The following MMP12 variants were observed in gnomAD, a reference collection of about 807,000 sequenced individuals.
The protein encoded by MMP12 is macrophage metalloelastase.
In MMP12, 51 loss-of-function variants were observed where a neutral mutation model predicts 45.2. The ratio of observed to expected loss-of-function variants is 1.13; its 90% CI spans 0.90 to 1.42. The LOEUF (loss-of-function observed/expected upper bound fraction) is 1.42. MMP12 is among the 40% of genes most tolerant of loss of function. MMP12 has a pLI of 0.00. For missense variants in MMP12, 530 were observed against 570.8 expected (o/e 0.93, Z 0.73); for synonymous variants, 210 against 193.3 (o/e 1.09, Z -0.72).
At chr11:102,872,410 G>T (rs550188932) in intron 2 of MMP12, among the ~76,000 whole-genome samples, 1 of 151,342 alleles carries the variant, frequency 6.6e-6, no homozygotes, top group Non-Finnish European at 1.5e-5. Flanking sequence ...GCACGATCTC[G>T]GCTCACTGCA....
rs1859363649 is a variant in MMP12 at position 102,865,216 on chromosome 11, G to A, written c.1205+560C>T. On this transcript the variant is annotated intron_variant, in intron 8 of 9. Coordinates refer to ENST00000571244, the MANE Select transcript of MMP12 (RefSeq NM_002426.6). This position sits in a 1 kb window ranked among gnomAD's most constrained non-coding sequence, Gnocchi z 4.1. ...CAACCAGGCAAGCAATCTAGGAAAT[G>A]ACTGGCTTACTCAGAAGAAGGAATA... is the stretch of plus-strand genomic sequence containing the variant. Among the ~76,000 whole-genome samples, 1 of 152,208 alleles carries A rather than the reference G, an allele frequency of 6.6e-6. No individual in the cohort carries two copies. Among genetic ancestry groups the A allele is most frequent in the Non-Finnish European group, 1.5e-5 (1 of 68,032 alleles).
chr11:102,863,314 G>A, intron 9 of MMP12, 114 bp from the exon 10 acceptor site: 1 of 614,700 alleles, frequency 1.6e-6, no homozygotes, highest in Non-Finnish European at 2.7e-6. Context: ...CCTATGGGCT[G>A]TGGTTCATGC....
intron 5 of MMP12, 43 bp downstream of exon 5, chr11:102,867,865 G>T (rs1555008795): frequency 1.9e-6 from 3 of 1,553,414 alleles, no homozygotes; most frequent in Admixed American, 3.7e-5. Flanking sequence ...ATTCATAAAA[G>T]CGAGTATCTT....
intron 6 of MMP12, 25 bp from the exon 7 acceptor site, chr11:102,866,473 T>C: frequency 6.2e-7 from 1 of 1,608,034 alleles, no homozygotes. Flanking sequence ...ATTTGACACA[T>C]GTTAAAAGAC....
Position 102,863,199 on chromosome 11 carries a change from T to C in MMP12, c.1314A>G (p.Lys438=). 6.4e-7 allele frequency: 1 copy of C among 1,553,592 alleles called. No homozygotes were observed. The highest frequency in any genetic ancestry group is 8.8e-7 in the Non-Finnish European group (1 of 1,132,494). The change falls in exon 10 of 10, where the codon AAA becomes AAG. Residue 438 remains lysine (K), a splice_region_variant and synonymous_variant. Coordinates refer to ENST00000571244, the MANE Select transcript of MMP12 (RefSeq NM_002426.6). The part of the protein sequence containing the change: ...KIDAVFYSKN[K]YYYFFQGSNQ... Reference sequence around the variant, plus strand: ...TAGATCCTTGGAAGAAATAGTAGTATTCTGAAAATGAAAACAAATTAAATA... The same window carrying C: ...TAGATCCTTGGAAGAAATAGTAGTACTCTGAAAATGAAAACAAATTAAATA...
chr11:102,871,579 GT>G lies in MMP12; in HGVS notation c.625+14del, dbSNP rs782016911. 8 of 1,549,546 alleles carry G rather than the reference GT, an allele frequency of 5.2e-6. No individual in the cohort carries two copies. Among genetic ancestry groups the G allele is most frequent in the Non-Finnish European group, 6.1e-6 (7 of 1,146,324 alleles). ...TGCTTAGTTTTTTGTTTGTTTGTTT[GT>G]TTGTTTTGCCCACCTCCTGAATGTG... is the stretch of plus-strand genomic sequence containing the variant. On this transcript the variant is annotated intron_variant, in intron 4 of 9. Coordinates refer to ENST00000571244, the MANE Select transcript of MMP12 (RefSeq NM_002426.6).
In MMP12 at chr11:102,872,784, T is replaced by C. The variant is rs144865663; in HGVS notation, c.350+81A>G. On this transcript the variant is annotated intron_variant, in intron 2 of 9. Transcript: ENST00000571244. The stretch of plus-strand genomic sequence containing the variant: ...AGGTTACTTTATCTACTTCCAGATT[T>C]AGGGCTGTCTAACTGGTTCAGGTTA... 1.3e-3 allele frequency: 1,962 copies of C among 1,477,032 alleles called. 24 individuals are homozygous for C. In the African/African-American group the frequency reaches 0.024, roughly 18 times the overall value. The allele number at this position is 1,477,032 out of a possible 1,614,324, so 91.5% of individuals were successfully genotyped here.
chr11:102,872,797 C>A (rs539765498), intron 2 of MMP12, 68 bp downstream of exon 2: 51 of 1,550,366 alleles, frequency 3.3e-5, no homozygotes, highest in Non-Finnish European at 4.4e-5. Context: ...GGCTGTCTAA[C>A]TGGTTCAGGT....
rs375022681 is a variant in MMP12 at position 102,868,036 on chromosome 11, A to G, written c.659T>C (p.Ile220Thr). Residue 220 changes from isoleucine to threonine, a missense_variant, in exon 5 of 10, where the codon ATT (isoleucine) becomes ACT (threonine). Transcript: ENST00000571244. ...TNLFLTAVHE[I>T]GHSLGLGHSS... ...ATGGCCAAGACCTAAGGAATGGCCA[A>G]TCTCGTGAACAGCAGTGAGGAACAA... The G allele has an allele frequency of 1.2e-5, 20 of 1,602,640 alleles. 1 individual carries two copies. The African/African-American group carries it at 1.6e-4, about 13-fold the overall frequency.
intron 2 of MMP12, among the ~76,000 whole-genome samples, 181 bp from the exon 3 acceptor site, chr11:102,872,133 C>A (rs1555009482): frequency 6.6e-6 from 1 of 152,158 alleles, no homozygotes; most frequent in Non-Finnish European, 1.5e-5. Context: ...TCCTCCTTAA[C>A]CAAAATCTAA....
Position 102,865,460 on chromosome 11 carries a change from G to T in MMP12, c.1205+316C>A, listed in dbSNP as rs1859367592. Among the ~76,000 whole-genome samples, 1 of 152,134 alleles carries T rather than the reference G, an allele frequency of 6.6e-6. No individual in the cohort carries two copies. The highest frequency in any genetic ancestry group is 2.1e-4 in the South Asian group (1 of 4,834). ...AAATCCATAACCCTCGAAACTGACT[G>T]TAGATTAAATACTTGGTCTTGTACA... is the stretch of plus-strand genomic sequence containing the variant. On this transcript the variant is annotated intron_variant, in intron 8 of 9. Coordinates refer to ENST00000571244, the MANE Select transcript of MMP12 (RefSeq NM_002426.6). The surrounding 1 kb of genome is among the most constrained non-coding windows in gnomAD (Gnocchi z 4.1).
rs376355568 is a variant in MMP12, at chr11:102,863,141, T to C, written c.1372A>G (p.Ile458Val). ...CTATTGCTTTTCAGTGTTTTGGTGA[T>C]ACGTTGGAGTAGGAAGTCATATTCA... ...QFEYDFLLQRITKTLKSNSWF... is the reference protein window; with the variant it reads ...QFEYDFLLQRVTKTLKSNSWF... The change falls in exon 10 of 10, where the codon ATC becomes GTC. Residue 458 changes from isoleucine to valine, a missense_variant. Physicochemically the swap from Ile to Val is conservative, Grantham distance 29 (BLOSUM62 3). Coordinates refer to ENST00000571244, the MANE Select transcript of MMP12 (RefSeq NM_002426.6). The C allele has an allele frequency of 2.2e-5, 36 of 1,611,946 alleles. No individual in the cohort carries two copies. The African/African-American group carries it at 2.9e-4, about 13-fold the overall frequency.
rs1182811587 is a variant in MMP12, at chr11:102,872,923, G to A, written c.292C>T (p.His98Tyr). The A allele has an allele frequency of 6.2e-7, 1 of 1,613,742 alleles. No homozygotes were observed. The highest frequency in any genetic ancestry group is 1.3e-5 in the African/African-American group (1 of 75,022). Residue 98 changes from histidine to tyrosine, a missense_variant, in exon 2 of 10, where the codon CAT becomes TAT. Physicochemically the swap from His to Tyr is moderately conservative, Grantham distance 83. Coordinates refer to ENST00000571244, the MANE Select transcript of MMP12 (RefSeq NM_002426.6). Reference protein sequence around the residue: ...HAPRCGVPDVHHFREMPGGPV... With the variant: ...HAPRCGVPDVYHFREMPGGPV... ...CCCCCTGGCATTTCCCTGAAATGATGGACATCGGGGACTCCACATCGAGGT... is the reference window on the plus strand; with the variant it reads ...CCCCCTGGCATTTCCCTGAAATGATAGACATCGGGGACTCCACATCGAGGT...
rs143740509 is a variant in MMP12, at chr11:102,863,214, C to G, written c.1313-14G>C. ...AATAGTAGTATTCTGAAAATGAAAA[C>G]AAATTAAATAGTTTAATTCCCTCCC... is the stretch of plus-strand genomic sequence containing the variant. On this transcript the variant is annotated splice_polypyrimidine_tract_variant and intron_variant, in intron 9 of 9. Coordinates refer to ENST00000571244, the MANE Select transcript of MMP12 (RefSeq NM_002426.6). 2.5e-4 allele frequency: 356 copies of G among 1,409,340 alleles called. 1 individual carries two copies. The African/African-American group carries it at 4.5e-3, about 18-fold the overall frequency. 87.3% of individuals were successfully genotyped at this position (1,409,340 alleles called of 1,614,324 possible).
rs782035366 is a variant in MMP12 at position 102,865,864 on chromosome 11, A to G, written c.1117T>C (p.Phe373Leu). 7 of 1,613,196 alleles carry G rather than the reference A, an allele frequency of 4.3e-6. No individual in the cohort carries two copies. In the Admixed American group the frequency reaches 1.2e-4, roughly 27 times the overall value. ...TCAATTTTTTTCACAAAGTTAGGAA[A>G]ACCAAAAGAATGTATGCTCTTGGGA... Reference protein sequence around the residue: ...NYPKSIHSFGFPNFVKKIDAA... With the variant: ...NYPKSIHSFGLPNFVKKIDAA... Residue 373 changes from phenylalanine to leucine, a missense_variant, in exon 8 of 10, where the codon TTT becomes CTT. Phe to Leu is a conservative substitution (Grantham distance 22). Transcript: ENST00000571244. This position sits in a 1 kb window ranked among gnomAD's most constrained non-coding sequence, Gnocchi z 4.1.
chr11:102,865,984 A>G lies in MMP12; in HGVS notation c.1046-49T>C, dbSNP rs144276251. 8.1e-5 allele frequency: 110 copies of G among 1,366,278 alleles called. 1 individual carries two copies. In the African/African-American group the frequency reaches 1.4e-3, roughly 18 times the overall value. 84.6% of individuals were successfully genotyped at this position (1,366,278 alleles called of 1,614,324 possible). On this transcript the variant is annotated intron_variant, in intron 7 of 9. Coordinates refer to ENST00000571244, the MANE Select transcript of MMP12 (RefSeq NM_002426.6). The surrounding 1 kb of genome is among the most constrained non-coding windows in gnomAD (Gnocchi z 4.1). ...AAATTTGAATTATACAGGAAGAGTAATAAGAAAATATTGATTTACTATAAA... is the reference window on the plus strand; with the variant it reads ...AAATTTGAATTATACAGGAAGAGTAGTAAGAAAATATTGATTTACTATAAA...
At chr11:102,872,554 G>A (rs1419705888) in intron 2 of MMP12, among the ~76,000 whole-genome samples, 1 of 152,076 alleles carries the variant, frequency 6.6e-6, no homozygotes, top group African/African-American at 2.4e-5. Context: ...TGTTGGCCAG[G>A]ATGGTCTCCA....
chr11:102,862,900 T>A lies in MMP12; in HGVS notation c.*200A>T. 1 of 383,130 alleles carries A rather than the reference T, an allele frequency of 2.6e-6. No homozygotes were observed. The highest frequency in any genetic ancestry group is 4.4e-5 in the East Asian group (1 of 22,940). 23.7% of individuals were successfully genotyped at this position (383,130 alleles called of 1,614,324 possible). A position where few individuals can be genotyped will look rare whatever the true frequency, so the allele number is the denominator to read the frequency against. ...AGGTAACTATTTTCAAACTTAATAG[T>A]AGAGTCAAGCAAGAATGGACAATTA... On this transcript the variant is annotated 3_prime_UTR_variant, in exon 10 of 10. Coordinates refer to ENST00000571244, the MANE Select transcript of MMP12 (RefSeq NM_002426.6).
At position 102,871,955 on chromosome 11, in the gene MMP12, T is replaced by C; in HGVS notation, c.351-3A>G. 1 of 1,600,246 alleles carries C rather than the reference T, an allele frequency of 6.2e-7. No individual in the cohort carries two copies. The highest frequency in any genetic ancestry group is 1.1e-5 in the South Asian group (1 of 87,902). ...TGTCAGGTGTGTAATTATTGATTCT[T>C]TATCAGCAAAAAGAGAGAGAAAAAT... is the stretch of plus-strand genomic sequence containing the variant. On this transcript the variant is annotated splice_region_variant and splice_polypyrimidine_tract_variant and intron_variant, in intron 2 of 9. Transcript: ENST00000571244.
Sources: allele counts gnomAD v4.1 joint callset (sites outside exome capture counted in the v4.1 genomes callset), GRCh38; gene constraint gnomAD v4.1.1; non-coding constraint Gnocchi (gnomAD v3.1); transcripts MANE v1.5; gene names NCBI Gene and HGNC (gene_info 2026-07-23, HGNC 2026-07-21).